Variants in BMPR1B observed in about 807,000 individuals in gnomAD.
BMPR1B encodes bone morphogenetic protein receptor type 1B.
In BMPR1B, 12 loss-of-function variants were observed where a neutral mutation model predicts 59.1. The observed-to-expected ratio is 0.20, with a 90% confidence interval of 0.13 to 0.33. The LOEUF is 0.33. BMPR1B is among the 10% of genes least tolerant of loss of function. BMPR1B has a pLI of 1.00. For synonymous variants in BMPR1B, 237 were observed against 207.3 expected, an observed-to-expected ratio of 1.14 and a Z score of -1.23; for missense variants, 550 against 610.9, an observed-to-expected ratio of 0.90 and a Z score of 1.05.
At chr4:94,892,902 T>G (rs1023926164) in intron 2 of BMPR1B, among the ~76,000 whole-genome samples, 1 of 152,086 alleles carries the variant, frequency 6.6e-6, no homozygotes, top group Non-Finnish European at 1.5e-5. Context: ...GATAACGAAC[T>G]TTGGAGTTCA....
At chr4:94,863,253 A>G (rs954102879) in intron 1 of BMPR1B, among the ~76,000 whole-genome samples, 1 of 152,210 alleles carries the variant, frequency 6.6e-6, no homozygotes, top group African/African-American at 2.4e-5. Context: ...TGGGTGATGA[A>G]ATAAAACGTA....
chr4:94,789,690 TGA>T (rs1722902394), intron 1 of BMPR1B, among the ~76,000 whole-genome samples: 1 of 152,230 alleles, frequency 6.6e-6, no homozygotes, highest in Admixed American at 6.5e-5. Flanking sequence ...CACATTTATC[TGA>T]GAGTGTATGC....
chr4:94,916,383 C>T (rs772475881), intron 2 of BMPR1B, among the ~76,000 whole-genome samples: 12 of 152,146 alleles, frequency 7.9e-5, no homozygotes, highest in Non-Finnish European at 1.5e-4. Context: ...GCCAGGCTGC[C>T]GAGGTCTCAA....
chr4:95,113,922 A>G (rs527516205), intron 4 of BMPR1B, among the ~76,000 whole-genome samples: 1 of 152,142 alleles, frequency 6.6e-6, no homozygotes, highest in South Asian at 2.1e-4. Flanking sequence ...GGATTAAATG[A>G]TGTAGAATAA....
intron 1 of BMPR1B, among the ~76,000 whole-genome samples, chr4:94,766,536 C>T (rs1451452981): frequency 6.6e-6 from 1 of 151,552 alleles, no homozygotes; most frequent in Non-Finnish European, 1.5e-5. Flanking sequence ...GGTCACTGAG[C>T]ATGAGATTTA....
At chr4:95,150,466 A>C (rs1374247712) in intron 11 of BMPR1B, among the ~76,000 whole-genome samples, 3 of 151,972 alleles carry the variant, frequency 2.0e-5, no homozygotes, top group Non-Finnish European at 2.9e-5. Context: ...AAAAAAAAAA[A>C]AAAACAAGTA....
At chr4:94,840,634 T>C (rs7665037) in intron 1 of BMPR1B, among the ~76,000 whole-genome samples, 81,181 of 138,146 alleles carry the variant, frequency 0.59, 27,775 homozygotes, top group African/African-American at 0.82. Flanking sequence ...AAGCACTTCT[T>C]TGTATTGGTT....
In BMPR1B at chr4:95,148,878, T is replaced by G. The variant is rs1207154351; in HGVS notation, c.1207T>G (p.Phe403Val). ...QSYIMADMYS[F>V]GLILWEVARR... ...TTACATCATGGCTGACATGTATAGT[T>G]TTGGCCTCATCCTTTGGGAGGTTGC... Residue 403 changes from phenylalanine (F) to valine (V), a missense_variant, in exon 11 of 13, where the codon TTT becomes GTT. Coordinates refer to ENST00000515059, the MANE Select transcript of BMPR1B (RefSeq NM_001203.3). The G allele has an allele frequency of 6.2e-7, 1 of 1,614,070 alleles. No individual in the cohort carries two copies. The highest frequency in any genetic ancestry group is 1.1e-5 in the South Asian group (1 of 91,084).
chr4:94,779,150 A>T (rs748775629), intron 1 of BMPR1B, among the ~76,000 whole-genome samples: 1 of 152,050 alleles, frequency 6.6e-6, no homozygotes, highest in Non-Finnish European at 1.5e-5. Context: ...ATGTAATTGA[A>T]TTTTTTTCTT....
chr4:94,875,643 C>A (rs949475643), intron 1 of BMPR1B, among the ~76,000 whole-genome samples, 188 bp from the exon 2 acceptor site: 2 of 152,120 alleles, frequency 1.3e-5, no homozygotes, highest in African/African-American at 4.8e-5. Context: ...AAGATCGCGC[C>A]GCTGCACTCC....
chr4:95,116,312 G>T (rs1732028958), intron 6 of BMPR1B, among the ~76,000 whole-genome samples: 1 of 151,738 alleles, frequency 6.6e-6, no homozygotes, highest in African/African-American at 2.4e-5. Flanking sequence ...TTTAAGTGTT[G>T]TTCCTTTAAA....
At chr4:94,982,352 AAT>A (rs1289440339) in intron 2 of BMPR1B, among the ~76,000 whole-genome samples, 1 of 152,174 alleles carries the variant, frequency 6.6e-6, no homozygotes, top group East Asian at 1.9e-4. Flanking sequence ...GGAATTAAAC[AAT>A]CAGATGCATG....
chr4:94,997,914 G>T, intron 3 of BMPR1B, among the ~76,000 whole-genome samples: 1 of 151,432 alleles, frequency 6.6e-6, no homozygotes, highest in African/African-American at 2.4e-5. Flanking sequence ...CCTTTTTATT[G>T]GTTTTGTTTT....
intron 2 of BMPR1B, among the ~76,000 whole-genome samples, chr4:94,898,719 C>CTT (rs1727684468): frequency 4.0e-5 from 1 of 25,228 alleles, no homozygotes; most frequent in African/African-American, 9.9e-4. Flanking sequence ...ACTTTAAACA[C>CTT]TTCATTTTTC....
chr4:94,887,368 T>C (rs1187299122), intron 2 of BMPR1B, among the ~76,000 whole-genome samples: 1 of 113,442 alleles, frequency 8.8e-6, no homozygotes, highest in African/African-American at 3.5e-5. Flanking sequence ...TACAAATCAA[T>C]GGAGGGAAAT....
rs369183715 is a variant in BMPR1B, at chr4:95,111,209, A to G, written c.144-3511A>G. 4.6e-3 allele frequency among the ~76,000 whole-genome samples: 698 copies of G among 152,234 alleles called. 6 individuals are homozygous for G. The highest frequency in any genetic ancestry group is 0.016 in the African/African-American group (671 of 41,564). ...TTCAAATTTCCTATCACTTGATTGA[A>G]CAGAGCAGATAAACTCTTTTTAACT... On this transcript the variant is annotated intron_variant, in intron 4 of 12. Coordinates refer to ENST00000515059, the MANE Select transcript of BMPR1B (RefSeq NM_001203.3).
chr4:94,772,378 G>A (rs1722218106), intron 1 of BMPR1B, among the ~76,000 whole-genome samples: 2 of 151,462 alleles, frequency 1.3e-5, no homozygotes, highest in Non-Finnish European at 2.9e-5. Context: ...TGTAAAAAAA[G>A]AAATCTTTAG....
At chr4:95,099,501 G>C (rs1479727529) in intron 3 of BMPR1B, among the ~76,000 whole-genome samples, 1 of 152,112 alleles carries the variant, frequency 6.6e-6, no homozygotes, top group East Asian at 1.9e-4. Flanking sequence ...CCCTGACAGA[G>C]ATAATCACAT....
chr4:95,043,421 A>C (rs982347538), intron 3 of BMPR1B, among the ~76,000 whole-genome samples: 14 of 152,166 alleles, frequency 9.2e-5, no homozygotes, highest in Admixed American at 9.2e-4. Context: ...TAGTTTAATC[A>C]TGTAAGTTAC....
Sources: allele counts gnomAD v4.1 joint callset (sites outside exome capture counted in the v4.1 genomes callset), GRCh38; gene constraint gnomAD v4.1.1; transcripts MANE v1.5; gene names NCBI Gene and HGNC (gene_info 2026-07-23, HGNC 2026-07-21).